NEMP2: variants seen among roughly 807,000 people sequenced by gnomAD.
NEMP2 encodes the protein nuclear envelope integral membrane protein 2.
In NEMP2, 53 loss-of-function variants were observed where a neutral mutation model predicts 54.2. The ratio of observed to expected loss-of-function variants is 0.98; its 90% CI spans 0.78 to 1.23. NEMP2 has a LOEUF of 1.23. Ranked by LOEUF, NEMP2 falls within the 50% of genes most tolerant of loss-of-function variation. NEMP2 has a pLI of 0.00. For synonymous variants in NEMP2, 197 were observed against 190.3 expected (o/e 1.04, Z -0.29); for missense variants, 455 against 511.3 (o/e 0.89, Z 1.06).
At chr2:190,615,603 T>C in the NEMP2 span, among the ~76,000 whole-genome samples, 1 of 152,176 alleles carries the variant, frequency 6.6e-6, no homozygotes, top group Non-Finnish European at 1.5e-5. This position sits in a 1 kb window ranked among gnomAD's most constrained non-coding sequence, Gnocchi z 4.7. Context: ...TGGCCATCAG[T>C]GACTGAGTCA....
chr2:190,470,268 G>A, the NEMP2 span, among the ~76,000 whole-genome samples: 2 of 152,092 alleles, frequency 1.3e-5, no homozygotes, highest in Non-Finnish European at 2.9e-5. Context: ...TATCTCTTCA[G>A]TTATTTTTAT....
upstream of NEMP2, among the ~76,000 whole-genome samples, chr2:190,537,665 G>T (rs1227297650): frequency 2.0e-5 from 3 of 152,142 alleles, no homozygotes; most frequent in African/African-American, 7.2e-5. Flanking sequence ...AAGCAGCAAA[G>T]CATTTAAGAG....
Position 190,534,593 on chromosome 2 carries a change from G to A in NEMP2, c.63C>T (p.Pro21=). ...CTGCCGCCGCCGCCTCCCCGCGCACGGGCAGTGTGGCCAGGGGCGGCAGCC... is the reference window on the plus strand; with the variant it reads ...CTGCCGCCGCCGCCTCCCCGCGCACAGGCAGTGTGGCCAGGGGCGGCAGCC... ...LLWLPPLATL[P]VRGEAAAAAL... Residue 21 remains proline, a synonymous_variant, in exon 1 of 9, where the codon CCC becomes CCT. Transcript: ENST00000409150. 6 of 1,395,562 alleles carry A rather than the reference G, an allele frequency of 4.3e-6. No individual in the cohort carries two copies. The highest frequency in any genetic ancestry group is 3.1e-5 in the East Asian group (1 of 32,678). The allele number at this position is 1,395,562 out of a possible 1,614,324, so 86.4% of individuals were successfully genotyped here. A position where few individuals can be genotyped will look rare whatever the true frequency, so the allele number is the denominator to read the frequency against.
the NEMP2 span, among the ~76,000 whole-genome samples, chr2:190,561,309 G>T: frequency 1.3e-5 from 2 of 152,238 alleles, no homozygotes; most frequent in African/African-American, 2.4e-5. This position sits in a 1 kb window ranked among gnomAD's most constrained non-coding sequence, Gnocchi z 5.4. Context: ...TGGGGACAAT[G>T]TGTAGCAAAT....
At chr2:190,433,971 A>G in the NEMP2 span, among the ~76,000 whole-genome samples, 2 of 152,154 alleles carry the variant, frequency 1.3e-5, no homozygotes, top group Non-Finnish European at 2.9e-5. The surrounding 1 kb of genome is among the most constrained non-coding windows in gnomAD (Gnocchi z 4.5). Context: ...CAAGAGGATC[A>G]CTTGAGCCCA....
At chr2:190,488,084 G>C in the NEMP2 span, among the ~76,000 whole-genome samples, 1 of 152,108 alleles carries the variant, frequency 6.6e-6, no homozygotes, top group Admixed American at 6.6e-5. This position sits in a 1 kb window ranked among gnomAD's most constrained non-coding sequence, Gnocchi z 6.4. Context: ...TTGTATTTTA[G>C]TAGAGACAGG....
At chr2:190,450,235 A>C in the NEMP2 span, among the ~76,000 whole-genome samples, 6 of 152,126 alleles carry the variant, frequency 3.9e-5, no homozygotes, top group Non-Finnish European at 8.8e-5. Context: ...CTACATATAC[A>C]TGGAAATATC....
At chr2:190,555,097 C>G in the NEMP2 span, among the ~76,000 whole-genome samples, 1 of 152,186 alleles carries the variant, frequency 6.6e-6, no homozygotes, top group Non-Finnish European at 1.5e-5. This position sits in a 1 kb window ranked among gnomAD's most constrained non-coding sequence, Gnocchi z 4.8. Flanking sequence ...AGAAGGAAAA[C>G]TAACAAACAG....
the NEMP2 span, among the ~76,000 whole-genome samples, chr2:190,467,564 G>C: frequency 6.6e-6 from 1 of 152,166 alleles, no homozygotes; most frequent in East Asian, 1.9e-4. The surrounding 1 kb of genome is among the most constrained non-coding windows in gnomAD (Gnocchi z 5.5). Context: ...AGTGAGCCGA[G>C]ATCGTGCCAC....
chr2:190,515,591 C>G (rs1020318115), intron 6 of NEMP2, among the ~76,000 whole-genome samples: 1 of 151,940 alleles, frequency 6.6e-6, no homozygotes, highest in Admixed American at 6.6e-5. Flanking sequence ...GGGGAGCATA[C>G]CATGGTATCT....
chr2:190,581,579 T>C, the NEMP2 span, among the ~76,000 whole-genome samples: 1 of 152,360 alleles, frequency 6.6e-6, no homozygotes, highest in East Asian at 1.9e-4. Context: ...CACATGATTC[T>C]GACATTCTAC....
chr2:190,627,756 T>C, the NEMP2 span: 2 of 152,238 alleles, frequency 1.3e-5, no homozygotes, highest in African/African-American at 4.8e-5. The surrounding 1 kb of genome is among the most constrained non-coding windows in gnomAD (Gnocchi z 4.4). Flanking sequence ...CACCAAAGAA[T>C]AGGAATTTCT....
At chr2:190,647,179 A>T in the NEMP2 span, among the ~76,000 whole-genome samples, 1 of 152,364 alleles carries the variant, frequency 6.6e-6, no homozygotes, top group East Asian at 1.9e-4. Context: ...TTCAGGAATT[A>T]AGCAGACTTA....
chr2:190,594,501 G>T, the NEMP2 span, among the ~76,000 whole-genome samples: 27 of 152,128 alleles, frequency 1.8e-4, no homozygotes, highest in African/African-American at 6.5e-4. This position sits in a 1 kb window ranked among gnomAD's most constrained non-coding sequence, Gnocchi z 5.6. Flanking sequence ...CTGTAAAATG[G>T]CAAAACTATT....
the NEMP2 span, chr2:190,648,548 C>CTTTTTTTT: frequency 6.7e-6 from 1 of 149,220 alleles, no homozygotes. Context: ...TAAAGTCAGC[C>CTTTTTTTT]TCCTAGAGGA....
rs1201213743 is a variant in NEMP2, at chr2:190,507,421, T to C, written c.*1768A>G. The C allele has an allele frequency of 6.6e-6, 1 of 152,196 alleles. No individual in the cohort carries two copies. The highest frequency in any genetic ancestry group is 2.4e-5 in the African/African-American group (1 of 41,438). 9.4% of individuals were successfully genotyped at this position (152,196 alleles called of 1,614,324 possible). ...GTGTTATTTACTCATACGCATACGT[T>C]GTAGCACACAAACTGCTTCTTAGGA... On this transcript the variant is annotated 3_prime_UTR_variant, in exon 9 of 9. Transcript: ENST00000409150. This position sits in a 1 kb window ranked among gnomAD's most constrained non-coding sequence, Gnocchi z 4.4.
At position 190,519,194 on chromosome 2, in the gene NEMP2, A is replaced by G. The variant is rs1279468174; in HGVS notation, c.214-11T>C. The G allele has an allele frequency of 1.3e-6, 2 of 1,507,298 alleles. No individual in the cohort carries two copies. Among genetic ancestry groups the G allele is most frequent in the Non-Finnish European group, 1.8e-6 (2 of 1,112,542 alleles). The allele number at this position is 1,507,298 out of a possible 1,614,324, so 93.4% of individuals were successfully genotyped here. On this transcript the variant is annotated splice_polypyrimidine_tract_variant and intron_variant, in intron 2 of 8. Transcript: ENST00000409150. The surrounding 1 kb of genome is among the most constrained non-coding windows in gnomAD (Gnocchi z 5.4). Reference sequence around the variant, plus strand: ...ACTGGTAATTTTCACCTGTAAAACAAGAACAAGCAAATCCATAAACAGAAT... The same window carrying G: ...ACTGGTAATTTTCACCTGTAAAACAGGAACAAGCAAATCCATAAACAGAAT...
the NEMP2 span, among the ~76,000 whole-genome samples, chr2:190,463,660 A>C: frequency 6.6e-6 from 1 of 152,134 alleles, no homozygotes; most frequent in Middle Eastern, 3.4e-3. The surrounding 1 kb of genome is among the most constrained non-coding windows in gnomAD (Gnocchi z 4.4). Context: ...GTGTCTACTA[A>C]AAATCAAAAG....
the NEMP2 span, among the ~76,000 whole-genome samples, chr2:190,421,674 G>A: frequency 1.6e-4 from 24 of 152,038 alleles, no homozygotes; most frequent in African/African-American, 5.8e-4. Flanking sequence ...GGGCACCTCA[G>A]CATCCCAAGT....
Sources: gnomAD v4.1 joint callset for allele counts (sites outside exome capture counted in the v4.1 genomes callset) on GRCh38, gnomAD v4.1.1 for gene constraint, Gnocchi (gnomAD v3.1) non-coding constraint, MANE v1.5 for transcripts, NCBI Gene and HGNC (gene_info 2026-07-23, HGNC 2026-07-21) for gene names.